The following FAM185A variants were observed in gnomAD, a reference collection of about 807,000 sequenced individuals.
The protein encoded by FAM185A is family with sequence similarity 185 member A.
In FAM185A, 21 loss-of-function variants were observed where a neutral mutation model predicts 45.7. The observed-to-expected ratio is 0.46, with a 90% CI of 0.33 to 0.66. The LOEUF is 0.66. Ranked by LOEUF, FAM185A falls within the 30% of genes least tolerant of loss-of-function variation. The pLI is 0.03. For synonymous variants in FAM185A, 117 were observed against 194.0 expected (o/e 0.60, Z 3.30); for missense variants, 305 against 485.4 (o/e 0.63, Z 3.49).
At chr7:102,821,882 G>A in the FAM185A span, among the ~76,000 whole-genome samples, 141 of 152,300 alleles carry the variant, frequency 9.3e-4, no homozygotes, top group African/African-American at 3.1e-3. Flanking sequence ...GGCCGTTTTA[G>A]AACAACTCAC....
intron 2 of FAM185A, among the ~76,000 whole-genome samples, chr7:102,752,641 G>A (rs1477932710): frequency 6.6e-6 from 1 of 150,992 alleles, no homozygotes. Flanking sequence ...GCCCAGGCTG[G>A]TCTTGCACTC....
Position 102,772,477 on chromosome 7 carries a change from A to G in FAM185A, c.835+27A>G, listed in dbSNP as rs977981626. On this transcript the variant is annotated intron_variant, in intron 5 of 7. Coordinates refer to ENST00000413034, the MANE Select transcript of FAM185A (RefSeq NM_001145268.2). ...TATGTGCTAAGCTACTAGTTCGTGTATTTTGTCCACTTTTAAAAATGGGTA... is the reference window on the plus strand; with the variant it reads ...TATGTGCTAAGCTACTAGTTCGTGTGTTTTGTCCACTTTTAAAAATGGGTA... The G allele has an allele frequency of 4.0e-6, 6 of 1,514,264 alleles. No homozygotes were observed. The African/African-American group carries it at 8.6e-5, about 22-fold the overall frequency. 93.8% of individuals were successfully genotyped at this position (1,514,264 alleles called of 1,614,324 possible). A position where few individuals can be genotyped will look rare whatever the true frequency, so the allele number is the denominator to read the frequency against.
chr7:102,773,228 A>ACCTGGGT (rs1794861762), intron 5 of FAM185A, among the ~76,000 whole-genome samples: 1 of 149,994 alleles, frequency 6.7e-6, no homozygotes, highest in Admixed American at 6.7e-5. Flanking sequence ...AAGGGAAAGA[A>ACCTGGGT]GGCTGGCTTA....
At position 102,806,708 on chromosome 7, in the gene FAM185A, T is replaced by C. The variant is rs6970026; in HGVS notation, c.1067-1582T>C. Among the ~76,000 whole-genome samples, 1,285 of 152,300 alleles carry C rather than the reference T, an allele frequency of 8.4e-3. 22 individuals carry two copies. The highest frequency in any genetic ancestry group is 0.03 in the African/African-American group (1,228 of 41,558). On this transcript the variant is annotated intron_variant, in intron 7 of 7. Transcript: ENST00000413034. ...ATATAACACCTTCATAACCTTGATT[T>C]GTAAAGAAAACGTAGAACTAGAAGA... is the stretch of plus-strand genomic sequence containing the variant.
chr7:102,791,659 G>T (rs1027842232), intron 7 of FAM185A, among the ~76,000 whole-genome samples: 1 of 152,174 alleles, frequency 6.6e-6, no homozygotes, highest in African/African-American at 2.4e-5. Flanking sequence ...ACTACCCTAT[G>T]AGGTTGGTCC....
At chr7:102,785,186 A>G (rs1474934734) in intron 6 of FAM185A, among the ~76,000 whole-genome samples, 2 of 152,000 alleles carry the variant, frequency 1.3e-5, no homozygotes, top group Admixed American at 6.6e-5. Flanking sequence ...AAGAGGATAC[A>G]AACAAATGGA....
chr7:102,787,217 T>A (rs540093507), intron 6 of FAM185A, 118 bp from the exon 7 acceptor site: 38 of 956,950 alleles, frequency 4.0e-5, no homozygotes, highest in Middle Eastern at 3.6e-4. Context: ...AAATACTGTA[T>A]GCTGAGGAGT....
chr7:102,837,948 C>T, the FAM185A span, among the ~76,000 whole-genome samples: 89 of 152,336 alleles, frequency 5.8e-4, no homozygotes, highest in Admixed American at 1.8e-3. Flanking sequence ...TTTATCTTTG[C>T]CAACATCTGG....
chr7:102,817,099 T>C, the FAM185A span, among the ~76,000 whole-genome samples: 10 of 152,226 alleles, frequency 6.6e-5, no homozygotes, highest in Non-Finnish European at 1.5e-4. Context: ...GATAGAATTA[T>C]TTCTTTTCCT....
chr7:102,777,213 A>G, intron 5 of FAM185A, 40 bp from the exon 6 acceptor site: 2 of 1,548,992 alleles, frequency 1.3e-6, no homozygotes, highest in East Asian at 2.5e-5. Context: ...CCATTTATCA[A>G]GTAAGAATTA....
At chr7:102,810,700 C>A (rs1797378272), downstream of FAM185A, among the ~76,000 whole-genome samples, 1 of 152,026 alleles carries the variant, frequency 6.6e-6, no homozygotes, top group African/African-American at 2.4e-5. Flanking sequence ...CTCAGGCATC[C>A]TCCTGCCTCA....
chr7:102,750,020 A>G (rs1267424687), intron 1 of FAM185A, among the ~76,000 whole-genome samples: 1 of 152,204 alleles, frequency 6.6e-6, no homozygotes, highest in African/African-American at 2.4e-5. Context: ...CAGTCCATCT[A>G]CATTTCATCT....
chr7:102,796,696 A>G (rs1037880342), intron 7 of FAM185A, among the ~76,000 whole-genome samples: 2 of 152,380 alleles, frequency 1.3e-5, no homozygotes, highest in Non-Finnish European at 2.9e-5. Context: ...AGACATGCAA[A>G]GAGCAAAAAA....
intron 7 of FAM185A, among the ~76,000 whole-genome samples, chr7:102,799,174 C>T (rs1339547881): frequency 2.0e-5 from 3 of 152,110 alleles, no homozygotes; most frequent in Admixed American, 6.6e-5. Flanking sequence ...TTTAAATAAG[C>T]GGAACCCCTT....
downstream of FAM185A, chr7:102,813,179 C>A (rs757864131): frequency 4.3e-6 from 3 of 691,488 alleles, no homozygotes; most frequent in African/African-American, 1.8e-5. Flanking sequence ...GACAGAAGAA[C>A]TACTGATGTG....
downstream of FAM185A, among the ~76,000 whole-genome samples, chr7:102,809,398 A>G (rs1369962144): frequency 6.6e-6 from 1 of 152,190 alleles, no homozygotes; most frequent in Non-Finnish European, 1.5e-5. Flanking sequence ...TGGAACATTT[A>G]AATTATATAA....
chr7:102,843,686 G>T, the FAM185A span, among the ~76,000 whole-genome samples: 1 of 152,164 alleles, frequency 6.6e-6, no homozygotes, highest in Admixed American at 6.5e-5. Flanking sequence ...TGAGACAGGA[G>T]AATCGCTTGA....
chr7:102,848,995 C>T, the FAM185A span, among the ~76,000 whole-genome samples: 4,421 of 151,872 alleles, frequency 0.029, 188 homozygotes, highest in East Asian at 0.16. Context: ...AGCGAAACTC[C>T]ATCTCAAAAA....
the FAM185A span, among the ~76,000 whole-genome samples, chr7:102,823,576 TATTTCAC>T: frequency 6.6e-6 from 1 of 152,168 alleles, no homozygotes; most frequent in East Asian, 1.9e-4. Context: ...CTACTTAGAG[TATTTCAC>T]TTACTCCAGG....
Sources: allele counts gnomAD v4.1 joint callset (sites outside exome capture counted in the v4.1 genomes callset), GRCh38; gene constraint gnomAD v4.1.1; transcripts MANE v1.5; gene names NCBI Gene and HGNC (gene_info 2026-07-23, HGNC 2026-07-21).